CERT1: variants seen among roughly 807,000 people sequenced by gnomAD.
CERT1 encodes ceramide transporter 1, also known as ceramide transfer protein.
CERT1 carries 31 observed loss-of-function variants against 87.9 expected under a neutral mutation model. The observed-to-expected ratio is 0.35, with a 90% CI of 0.27 to 0.48. The LOEUF is 0.48. Among genes scored for constraint, CERT1 ranks in the 20% least tolerant of loss-of-function variants. The pLI is 0.99. For missense variants in CERT1, 487 were observed against 758.0 expected, an observed-to-expected ratio of 0.64 and a Z score of 4.20; for synonymous variants, 289 against 250.9, an observed-to-expected ratio of 1.15 and a Z score of -1.44.
At chr5:75,400,582 T>C in intron 9 of CERT1, 1 of 292,776 alleles carries the variant, frequency 3.4e-6, no homozygotes, top group Non-Finnish European at 6.3e-6. Context: ...ATAGCATTAT[T>C]TATCATGGGT....
Position 75,459,107 on chromosome 5 carries a change from T to A in CERT1, c.306A>T (p.Pro102=). ...DSVWYLRAQD[P]DHRQQWIDAI... ...CATCTATCCATTGCTGTCTATGATC[T>A]GGATCCTGAGCACGAAGATACCAAA... Residue 102 remains proline (P), a synonymous_variant, in exon 3 of 17, where the codon CCA becomes CCT. Transcript: ENST00000643780. 1 of 1,612,902 alleles carries A rather than the reference T, an allele frequency of 6.2e-7. No individual in the cohort carries two copies. Among genetic ancestry groups the A allele is most frequent in the Non-Finnish European group, 8.5e-7 (1 of 1,178,910 alleles).
intron 3 of CERT1, among the ~76,000 whole-genome samples, chr5:75,436,181 C>T (rs951071528): frequency 4.6e-5 from 7 of 152,002 alleles, no homozygotes; most frequent in African/African-American, 1.5e-4. Flanking sequence ...TACAGACGTC[C>T]GCTACCATGC....
rs544160228 is a variant in CERT1, at chr5:75,409,903, G to T, written c.930+1108C>A. Among the ~76,000 whole-genome samples the T allele has an allele frequency of 6.5e-4, 98 of 151,286 alleles. 1 individual carries two copies. The highest frequency in any genetic ancestry group is 2.3e-3 in the African/African-American group (95 of 41,192). ...CCTGGAGTGGAGTGGTGCAATCGTA[G>T]CTCACTGCAGTCTTGGGCTCCTCAG... On this transcript the variant is annotated intron_variant, in intron 8 of 16. Transcript: ENST00000643780.
At chr5:75,426,194 T>G (rs1310615384) in intron 4 of CERT1, among the ~76,000 whole-genome samples, 177 bp downstream of exon 4, 1 of 152,040 alleles carries the variant, frequency 6.6e-6, no homozygotes, top group Non-Finnish European at 1.5e-5. Context: ...ATCAGTGACA[T>G]GTGTTCATCT....
In CERT1 at chr5:75,495,232, GCTTT is replaced by G. The variant is rs747871989; in HGVS notation, c.231+10746_231+10749del. Among the ~76,000 whole-genome samples, 16 of 152,300 alleles carry G rather than the reference GCTTT, an allele frequency of 1.1e-4. No homozygotes were observed. In the East Asian group the frequency reaches 2.3e-3, roughly 22 times the overall value. ...AATTGGAAACCAAGAGAATAGCTCA[GCTTT>G]CTTTATCAGCCATAATTTTCTTCCT... On this transcript the variant is annotated intron_variant, in intron 2 of 16. Transcript: ENST00000643780.
chr5:75,442,109 C>T (rs1486016463), intron 3 of CERT1, among the ~76,000 whole-genome samples: 1 of 152,120 alleles, frequency 6.6e-6, no homozygotes, highest in African/African-American at 2.4e-5. Context: ...GGTGGTATCT[C>T]ATTATACTAT....
chr5:75,431,678 G>T (rs1763873083), intron 3 of CERT1, among the ~76,000 whole-genome samples: 1 of 152,138 alleles, frequency 6.6e-6, no homozygotes, highest in Non-Finnish European at 1.5e-5. Context: ...TTGTTTTTCT[G>T]ATCCTGCATT....
At chr5:75,443,265 T>G (rs955447115) in intron 3 of CERT1, among the ~76,000 whole-genome samples, 3 of 152,222 alleles carry the variant, frequency 2.0e-5, no homozygotes, top group Non-Finnish European at 4.4e-5. Context: ...GCTTTGGATT[T>G]ACATTATTTT....
In CERT1 at chr5:75,404,792, TGA is replaced by T. The variant is rs534164258; in HGVS notation, c.931-1736_931-1735del. ...GGGAGACCAAGGAGGGGAGATCACA[TGA>T]GGCCAGGAGCTCTGGACTAGCCAGG... is the stretch of plus-strand genomic sequence containing the variant. On this transcript the variant is annotated intron_variant, in intron 8 of 16. Coordinates refer to ENST00000643780, the MANE Select transcript of CERT1 (RefSeq NM_001379029.1). Among the ~76,000 whole-genome samples the T allele has an allele frequency of 4.0e-3, 608 of 152,256 alleles. 6 individuals are homozygous for T. The highest frequency in any genetic ancestry group is 0.014 in the African/African-American group (583 of 41,536).
intron 15 of CERT1, 102 bp from the exon 16 acceptor site, chr5:75,381,303 T>C (rs544444733): frequency 1.5e-6 from 2 of 1,297,016 alleles, no homozygotes; most frequent in South Asian, 2.6e-5. Context: ...CTCTTAAAAG[T>C]ATCTCCAGTG....
At chr5:75,418,688 T>C (rs1031986677) in intron 6 of CERT1, among the ~76,000 whole-genome samples, 2 of 152,020 alleles carry the variant, frequency 1.3e-5, no homozygotes, top group Non-Finnish European at 2.9e-5. Context: ...TATGCAACAA[T>C]AATGATGAAT....
chr5:75,402,853 A>G lies in CERT1; in HGVS notation c.1017+119T>C, dbSNP rs138102078. The G allele has an allele frequency of 5.6e-3, 3,378 of 607,038 alleles. 32 individuals are homozygous for G. Among genetic ancestry groups the G allele is most frequent in the South Asian group, 0.017 (699 of 42,358 alleles). 37.6% of individuals were successfully genotyped at this position (607,038 alleles called of 1,614,324 possible). A position where few individuals can be genotyped will look rare whatever the true frequency, so the allele number is the denominator to read the frequency against. ...TTGTGACTCAATGTATTCACAGTTA[A>G]GCTTCTAGGTTATTAAGTTCACAAT... On this transcript the variant is annotated intron_variant, in intron 9 of 16. Transcript: ENST00000643780.
intron 2 of CERT1, among the ~76,000 whole-genome samples, chr5:75,479,703 G>T (rs1385810284): frequency 6.6e-6 from 1 of 152,052 alleles, no homozygotes; most frequent in Non-Finnish European, 1.5e-5. Flanking sequence ...TGGACATTTA[G>T]GTTGACTCCA....
At chr5:75,475,775 T>A (rs1765927241) in intron 2 of CERT1, among the ~76,000 whole-genome samples, 2 of 152,134 alleles carry the variant, frequency 1.3e-5, no homozygotes, top group South Asian at 4.1e-4. Context: ...TTGCTTATGT[T>A]ACTTTCCAGC....
rs150525367 is a variant in CERT1 at position 75,425,045 on chromosome 5, A to G, written c.595+316T>C. 2.1e-3 allele frequency among the ~76,000 whole-genome samples: 317 copies of G among 151,984 alleles called. 1 individual carries two copies. In the East Asian group the frequency reaches 0.028, roughly 13 times the overall value. ...AGATGGGAGAATTGCTTGAGGCCAG[A>G]AGTTTGAGGCTGCAGTGAGCTATGA... On this transcript the variant is annotated intron_variant, in intron 5 of 16. Coordinates refer to ENST00000643780, the MANE Select transcript of CERT1 (RefSeq NM_001379029.1).
At chr5:75,411,251 C>T in intron 7 of CERT1, 148 bp from the exon 8 acceptor site, 1 of 582,836 alleles carries the variant, frequency 1.7e-6, no homozygotes, top group Non-Finnish European at 3.0e-6. Context: ...GAGTATTATT[C>T]TGCCCAAGAA....
intron 14 of CERT1, among the ~76,000 whole-genome samples, chr5:75,383,017 G>A (rs1237953912): frequency 6.6e-6 from 1 of 152,018 alleles, no homozygotes; most frequent in Non-Finnish European, 1.5e-5. Flanking sequence ...TGCAAAAGAT[G>A]TCAAATTTAA....
chr5:75,441,013 T>C (rs1353789803), intron 3 of CERT1, among the ~76,000 whole-genome samples: 6 of 152,152 alleles, frequency 3.9e-5, no homozygotes, highest in African/African-American at 1.2e-4. Context: ...TCAGCCTCTA[T>C]ATTCATTTAG....
chr5:75,381,391 G>A (rs1239282944), intron 15 of CERT1, among the ~76,000 whole-genome samples, 190 bp from the exon 16 acceptor site: 1 of 151,996 alleles, frequency 6.6e-6, no homozygotes, highest in Non-Finnish European at 1.5e-5. Context: ...GTCTTGCTCT[G>A]TTGCCCACTC....
Sources: gnomAD v4.1 joint callset for allele counts (sites outside exome capture counted in the v4.1 genomes callset) on GRCh38, gnomAD v4.1.1 for gene constraint, MANE v1.5 for transcripts, NCBI Gene and HGNC (gene_info 2026-07-23, HGNC 2026-07-21) for gene names.